USH2A: variants seen among roughly 807,000 people sequenced by gnomAD.
USH2A encodes the protein usherin.
Under a neutral mutation model 538.9 loss-of-function variants are expected in USH2A, and 443 were observed. The ratio of observed to expected loss-of-function variants is 0.82; its 90% CI spans 0.76 to 0.89. USH2A has a LOEUF of 0.89. Ranked by LOEUF, USH2A falls within the 40% of genes least tolerant of loss-of-function variation. The probability of loss-of-function intolerance (pLI) is 0.00; values close to 1 mark genes in which losing one functional copy is unlikely to be tolerated. For missense variants in USH2A, 6,633 were observed against 6,324.8 expected (o/e 1.05, Z -1.65); for synonymous variants, 2,413 against 2,273.5 (o/e 1.06, Z -1.75).
intron 3 of USH2A, among the ~76,000 whole-genome samples, chr1:216,401,944 G>A (rs1474438862): frequency 6.6e-6 from 1 of 152,070 alleles, no homozygotes; most frequent in Admixed American, 6.6e-5. Flanking sequence ...ATACAAAGTA[G>A]ATGTACTTAG....
intron 9 of USH2A, among the ~76,000 whole-genome samples, chr1:216,310,437 C>T (rs2037399133): frequency 6.6e-6 from 1 of 151,896 alleles, no homozygotes; most frequent in African/African-American, 2.4e-5. Flanking sequence ...CTAATCCTTC[C>T]TCTTCAACTC....
In USH2A at chr1:216,247,160, T is replaced by G. The variant is rs1450983588; in HGVS notation, c.2234A>C (p.Glu745Ala). 6.2e-7 allele frequency: 1 copy of G among 1,613,974 alleles called. No individual in the cohort carries two copies. Among genetic ancestry groups the G allele is most frequent in the African/African-American group, 1.3e-5 (1 of 74,926 alleles). The change falls in exon 13 of 72, where the codon GAG becomes GCG. Residue 745 changes from glutamate to alanine, a missense_variant. Physicochemically the swap from Glu to Ala is moderately radical, Grantham distance 107. Coordinates refer to ENST00000307340, the MANE Select transcript of USH2A (RefSeq NM_206933.4). ...FLRSFNDVGC[E>A]PCQCNLHGSV... ...GCCATGGAGGTTACACTGGCAGGGC[T>G]CACATCCAACATCATTAAAGCTTCG...
intron 23 of USH2A, among the ~76,000 whole-genome samples, chr1:216,088,239 T>C (rs980289073): frequency 6.6e-6 from 1 of 152,032 alleles, no homozygotes; most frequent in African/African-American, 2.4e-5. Flanking sequence ...GAGAGACCTT[T>C]CTTAACACAC....
At chr1:216,165,982 C>G (rs2034160025) in intron 21 of USH2A, among the ~76,000 whole-genome samples, 1 of 151,986 alleles carries the variant, frequency 6.6e-6, no homozygotes, top group Admixed American at 6.6e-5. Flanking sequence ...TCCCCTGAGT[C>G]CCCAAAGTCC....
At chr1:216,083,850 GATT>G (rs1158368834) in intron 25 of USH2A, among the ~76,000 whole-genome samples, 1 of 152,124 alleles carries the variant, frequency 6.6e-6, no homozygotes, top group Non-Finnish European at 1.5e-5. Context: ...TATCATGTAA[GATT>G]ATTACTGTTT....
At position 215,701,782 on chromosome 1, in the gene USH2A, C is replaced by A. The variant is rs534036429; in HGVS notation, c.12067-21406G>T. Among the ~76,000 whole-genome samples, 3 of 152,228 alleles carry A rather than the reference C, an allele frequency of 2.0e-5. No homozygotes were observed. The South Asian group carries it at 6.2e-4, about 32-fold the overall frequency. On this transcript the variant is annotated intron_variant, in intron 61 of 71. Coordinates refer to ENST00000307340, the MANE Select transcript of USH2A (RefSeq NM_206933.4). ...TTGTCTCTTTATCCAATTTGCCAGTCTGTGTCTTTTATTGGGGCATTTAGC... is the reference window on the plus strand; with the variant it reads ...TTGTCTCTTTATCCAATTTGCCAGTATGTGTCTTTTATTGGGGCATTTAGC...
chr1:215,627,457 CTTCCTTCCTTCCTTCCTTCCTTCCTTCT>C (rs1656090954), intron 71 of USH2A, among the ~76,000 whole-genome samples: 13 of 117,948 alleles, frequency 1.1e-4, no homozygotes, highest in South Asian at 8.3e-4. Context: ...TCCTTCCTTC[CTTCCTTCCTTCCTTCCTTCCTTCCTTCT>C]TTCCTTCCTT....
intron 60 of USH2A, among the ~76,000 whole-genome samples, chr1:215,739,220 G>T (rs943183217): frequency 6.6e-6 from 1 of 152,210 alleles, no homozygotes; most frequent in African/African-American, 2.4e-5. Context: ...CACATTGGAG[G>T]AAGGTTTATT....
intron 44 of USH2A, among the ~76,000 whole-genome samples, chr1:215,858,168 T>C (rs577949713): frequency 6.6e-6 from 1 of 152,218 alleles, no homozygotes; most frequent in Admixed American, 6.5e-5. Context: ...TATGTGTATA[T>C]TGGGATATAT....
At chr1:216,045,016 A>G (rs561447688) in intron 32 of USH2A, among the ~76,000 whole-genome samples, 101 of 152,280 alleles carry the variant, frequency 6.6e-4, no homozygotes, top group African/African-American at 2.3e-3. Flanking sequence ...TTGCTCCAGC[A>G]TCTACATGTG....
chr1:215,682,459 A>G (rs574378775), intron 61 of USH2A, among the ~76,000 whole-genome samples: 1 of 152,350 alleles, frequency 6.6e-6, no homozygotes, highest in African/African-American at 2.4e-5. Context: ...TAACATGAGT[A>G]CTTAATGATT....
At chr1:215,686,779 G>GA (rs1658436918) in intron 61 of USH2A, among the ~76,000 whole-genome samples, 1 of 152,034 alleles carries the variant, frequency 6.6e-6, no homozygotes, top group Non-Finnish European at 1.5e-5. Context: ...AATAAGTATA[G>GA]ATTGCCATTT....
intron 56 of USH2A, among the ~76,000 whole-genome samples, chr1:215,762,318 C>T (rs7521489): frequency 0.38 from 58,452 of 151,984 alleles, 12,447 homozygotes; most frequent in Middle Eastern, 0.49. Context: ...TCACCTTGAA[C>T]GATGTATTAA....
In USH2A at chr1:215,733,214, G is replaced by T. The variant is rs1044219314; in HGVS notation, c.11712-4830C>A. Among the ~76,000 whole-genome samples, 4 of 132,702 alleles carry T rather than the reference G, an allele frequency of 3.0e-5. No individual in the cohort carries two copies. The Admixed American group carries it at 3.1e-4, about 10-fold the overall frequency. The allele number at this position is 132,702 out of a possible 152,430, so 87.1% of individuals were successfully genotyped here. ...AGAGGTGGCGGGGGGGCGGGGGGCGGGTGGAGTCCTAGACATTTAAACAAC... is the reference window on the plus strand; with the variant it reads ...AGAGGTGGCGGGGGGGCGGGGGGCGTGTGGAGTCCTAGACATTTAAACAAC... On this transcript the variant is annotated intron_variant, in intron 60 of 71. Transcript: ENST00000307340.
chr1:215,867,943 G>C (rs1664522581), intron 43 of USH2A, among the ~76,000 whole-genome samples: 1 of 151,970 alleles, frequency 6.6e-6, no homozygotes, highest in African/African-American at 2.4e-5. Context: ...TCCTTTGCTT[G>C]GTTCAGAACT....
At chr1:216,348,985 A>G (rs539297088) in intron 4 of USH2A, among the ~76,000 whole-genome samples, 10 of 152,286 alleles carry the variant, frequency 6.6e-5, no homozygotes, top group African/African-American at 2.4e-4. Context: ...CAGTTCATGG[A>G]AAGTCTTCTA....
In USH2A at chr1:215,991,426, C is replaced by T. The variant is rs1668002576; in HGVS notation, c.6805+1594G>A. 2.6e-5 allele frequency among the ~76,000 whole-genome samples: 4 copies of T among 151,726 alleles called. No homozygotes were observed. In the South Asian group the frequency reaches 6.2e-4, roughly 24 times the overall value. On this transcript the variant is annotated intron_variant, in intron 35 of 71. Transcript: ENST00000307340. The stretch of plus-strand genomic sequence containing the variant: ...CTCTCTAGACAATCAACAAGAGAAA[C>T]AAAAAGCTAAAAAATTGGGGGAAAG...
chr1:215,664,249 A>C (rs1657535464), intron 64 of USH2A, among the ~76,000 whole-genome samples: 1 of 152,234 alleles, frequency 6.6e-6, no homozygotes, highest in Admixed American at 6.5e-5. Flanking sequence ...AAATAAGTTT[A>C]TTATTTATTT....
intron 43 of USH2A, among the ~76,000 whole-genome samples, chr1:215,877,322 G>A (rs895810432): frequency 6.6e-6 from 1 of 152,108 alleles, no homozygotes; most frequent in African/African-American, 2.4e-5. Flanking sequence ...GTTCACTAAT[G>A]TTTTCTTTTG....
Sources: allele counts gnomAD v4.1 joint callset (sites outside exome capture counted in the v4.1 genomes callset), GRCh38; gene constraint gnomAD v4.1.1; transcripts MANE v1.5; gene names NCBI Gene and HGNC (gene_info 2026-07-23, HGNC 2026-07-21).